GABRA4: variants seen among roughly 807,000 people sequenced by gnomAD.
GABRA4 encodes the protein gamma-aminobutyric acid receptor subunit alpha-4.
A neutral mutation model predicts 49.7 loss-of-function variants in GABRA4; 12 were observed. That is an observed-to-expected ratio of 0.24 (90% confidence interval 0.15 to 0.39). The LOEUF (loss-of-function observed/expected upper bound fraction) is 0.39, where lower values mean the gene tolerates loss of function less well. Ranked by LOEUF, GABRA4 falls within the 10% of genes least tolerant of loss-of-function variation. GABRA4 has a pLI of 1.00. For missense variants in GABRA4, 506 were observed against 686.0 expected (o/e 0.74, Z 2.93); for synonymous variants, 288 against 240.2 (o/e 1.20, Z -1.84).
At chr4:46,979,429 T>C (rs147178462) in intron 2 of GABRA4, among the ~76,000 whole-genome samples, 75 of 152,154 alleles carry the variant, frequency 4.9e-4, no homozygotes, top group African/African-American at 1.7e-3. Context: ...TAGTCCATCA[T>C]CTGATTGGCC....
intron 8 of GABRA4, among the ~76,000 whole-genome samples, chr4:46,935,808 A>C (rs764374341): frequency 6.6e-6 from 1 of 152,234 alleles, no homozygotes; most frequent in Non-Finnish European, 1.5e-5. Context: ...CCCAGAACTT[A>C]AAGTATAATT....
intron 2 of GABRA4, among the ~76,000 whole-genome samples, chr4:46,985,566 C>A (rs16859823): frequency 1.3e-5 from 2 of 151,766 alleles, no homozygotes; most frequent in Non-Finnish European, 2.9e-5. Flanking sequence ...GAGTATAAGG[C>A]GGTGATGTTT....
chr4:46,970,008 A>AT (rs921597843), intron 7 of GABRA4, among the ~76,000 whole-genome samples: 4 of 150,530 alleles, frequency 2.7e-5, no homozygotes, highest in African/African-American at 9.7e-5. Flanking sequence ...TTTTCTTTCT[A>AT]TTTTTTTAAT....
chr4:46,957,326 CT>C (rs966974465), intron 8 of GABRA4, among the ~76,000 whole-genome samples: 19 of 151,798 alleles, frequency 1.3e-4, no homozygotes, highest in Admixed American at 9.9e-4. Flanking sequence ...TTTATACATT[CT>C]TTTTTTAACA....
chr4:46,986,827 A>T (rs578240718), intron 2 of GABRA4, among the ~76,000 whole-genome samples: 1 of 152,198 alleles, frequency 6.6e-6, no homozygotes, highest in Admixed American at 6.5e-5. Flanking sequence ...AAAACTTTGG[A>T]ATCAGCTTTG....
At chr4:46,941,804 G>A (rs967348190) in intron 8 of GABRA4, among the ~76,000 whole-genome samples, 6 of 152,122 alleles carry the variant, frequency 3.9e-5, no homozygotes, top group African/African-American at 1.4e-4. Flanking sequence ...TTACCATCTT[G>A]CCCAGATCTG....
chr4:46,943,104 A>C (rs999758227), intron 8 of GABRA4, among the ~76,000 whole-genome samples: 1 of 152,128 alleles, frequency 6.6e-6, no homozygotes, highest in Non-Finnish European at 1.5e-5. Flanking sequence ...AGACCAGCCC[A>C]AAGTTCTTAC....
chr4:46,939,659 A>G (rs1198778462), intron 8 of GABRA4, among the ~76,000 whole-genome samples: 1 of 152,022 alleles, frequency 6.6e-6, no homozygotes, highest in Non-Finnish European at 1.5e-5. Flanking sequence ...AAAAAAGTTT[A>G]TCTGAAATTT....
At chr4:46,984,811 A>G (rs1196013823) in intron 2 of GABRA4, among the ~76,000 whole-genome samples, 1 of 152,020 alleles carries the variant, frequency 6.6e-6, no homozygotes, top group Non-Finnish European at 1.5e-5. Flanking sequence ...CTGGATCCTG[A>G]ATGTCATGTT....
At chr4:46,972,840 C>G (rs16859805) in intron 6 of GABRA4, among the ~76,000 whole-genome samples, 5,829 of 151,722 alleles carry the variant, frequency 0.038, 385 homozygotes, top group African/African-American at 0.13. Context: ...CCCTTCACAA[C>G]ACTGCTTTAT....
At chr4:46,957,260 T>G (rs753513703) in intron 8 of GABRA4, among the ~76,000 whole-genome samples, 3 of 110,762 alleles carry the variant, frequency 2.7e-5, no homozygotes, top group Non-Finnish European at 5.5e-5. Context: ...AAGGCTACAG[T>G]TTGACTTTGA....
At chr4:46,980,479 A>C (rs10517173) in intron 2 of GABRA4, among the ~76,000 whole-genome samples, 15,995 of 152,048 alleles carry the variant, frequency 0.11, 915 homozygotes, top group South Asian at 0.19. Context: ...TAAAGAATGA[A>C]GATTGATCCA....
At chr4:46,954,411 G>T (rs1312103571) in intron 8 of GABRA4, among the ~76,000 whole-genome samples, 6 of 151,750 alleles carry the variant, frequency 4.0e-5, no homozygotes, top group African/African-American at 1.5e-4. Context: ...CAAAAAATTA[G>T]TTGGGCATTG....
At chr4:46,944,490 A>G (rs1404450763) in intron 8 of GABRA4, among the ~76,000 whole-genome samples, 2 of 152,164 alleles carry the variant, frequency 1.3e-5, no homozygotes, top group Non-Finnish European at 2.9e-5. Context: ...AACACCTTAA[A>G]AATAAATTGC....
chr4:46,977,967 T>C (rs1560481406), intron 3 of GABRA4, among the ~76,000 whole-genome samples: 1 of 152,048 alleles, frequency 6.6e-6, no homozygotes, highest in Non-Finnish European at 1.5e-5. Flanking sequence ...ATAGCAAAAA[T>C]CAGTTAAAGT....
At chr4:46,934,852 C>A (rs1371512423) in intron 8 of GABRA4, among the ~76,000 whole-genome samples, 1 of 152,236 alleles carries the variant, frequency 6.6e-6, no homozygotes, top group African/African-American at 2.4e-5. Flanking sequence ...CTTCTTTGGT[C>A]AGAGCAGAGG....
intron 8 of GABRA4, among the ~76,000 whole-genome samples, chr4:46,962,170 G>A (rs1722599069): frequency 6.6e-6 from 1 of 151,692 alleles, no homozygotes; most frequent in Non-Finnish European, 1.5e-5. Flanking sequence ...CTGCCCCATG[G>A]GGTAGTTCTA....
intron 8 of GABRA4, among the ~76,000 whole-genome samples, chr4:46,936,378 T>C (rs1200462892): frequency 6.6e-6 from 1 of 152,168 alleles, no homozygotes; most frequent in East Asian, 1.9e-4. Context: ...GCCTGCTGAG[T>C]ACCTGGGACT....
In GABRA4 at chr4:46,977,151, G is replaced by A. The variant is rs1443364900; in HGVS notation, c.495-8C>T. The A allele has an allele frequency of 1.3e-6, 2 of 1,552,700 alleles. No individual in the cohort carries two copies. The highest frequency in any genetic ancestry group is 3.6e-5 in the Admixed American group (2 of 55,194). On this transcript the variant is annotated splice_polypyrimidine_tract_variant and splice_region_variant and intron_variant, in intron 4 of 8. Coordinates refer to ENST00000264318, the MANE Select transcript of GABRA4 (RefSeq NM_000809.4). ...TCCGCACTTATGGTGAGTCTATGAT[G>A]AAAAATGCAATTAAATAAAATCAAC...
Sources: allele counts gnomAD v4.1 joint callset (sites outside exome capture counted in the v4.1 genomes callset), GRCh38; gene constraint gnomAD v4.1.1; transcripts MANE v1.5; gene names NCBI Gene and HGNC (gene_info 2026-07-23, HGNC 2026-07-21).